MKLN1: variants seen among roughly 807,000 people sequenced by gnomAD.
MKLN1 encodes the protein muskelin 1, also known as muskelin.
Under a neutral mutation model 99.0 loss-of-function variants are expected in MKLN1, and 18 were observed. The observed-to-expected ratio is 0.18, with a 90% CI of 0.13 to 0.27. MKLN1 has a LOEUF of 0.27. Among genes scored for constraint, MKLN1 ranks in the 10% least tolerant of loss-of-function variants. The pLI, the probability that MKLN1 is intolerant of heterozygous loss-of-function variation, is 1.00. For missense variants in MKLN1, 621 were observed against 875.9 expected, an observed-to-expected ratio of 0.71 and a Z score of 3.67; for synonymous variants, 288 against 293.2, an observed-to-expected ratio of 0.98 and a Z score of 0.18.
At chr7:131,441,457 A>G (rs533408265) in intron 10 of MKLN1, among the ~76,000 whole-genome samples, 219 of 152,318 alleles carry the variant, frequency 1.4e-3, no homozygotes, top group African/African-American at 4.9e-3. Flanking sequence ...AAAATTAAAT[A>G]TCTAACTCCT....
At chr7:131,192,131 A>AT (rs1375048787) in intron 2 of MKLN1, among the ~76,000 whole-genome samples, 3,263 of 80,860 alleles carry the variant, frequency 0.04, 349 homozygotes, top group Admixed American at 0.07. Context: ...GTATATATAT[A>AT]AAAATATATA....
chr7:131,383,666 C>T (rs1454343111), intron 2 of MKLN1, among the ~76,000 whole-genome samples: 1 of 152,134 alleles, frequency 6.6e-6, no homozygotes, highest in African/African-American at 2.4e-5. Flanking sequence ...CCAGTTCTTT[C>T]CATCACAGTA....
At chr7:131,354,559 A>G (rs1799818732) in intron 1 of MKLN1, among the ~76,000 whole-genome samples, 1 of 151,732 alleles carries the variant, frequency 6.6e-6, no homozygotes, top group African/African-American at 2.4e-5. Flanking sequence ...TAGGCAAATT[A>G]TGTCATCTGA....
At chr7:131,321,754 T>A (rs1798780603) in intron 3 of MKLN1, among the ~76,000 whole-genome samples, 1 of 152,202 alleles carries the variant, frequency 6.6e-6, no homozygotes, top group African/African-American at 2.4e-5. Flanking sequence ...AGGTTATGAC[T>A]TAACCAAGGA....
intron 2 of MKLN1, among the ~76,000 whole-genome samples, chr7:131,201,624 G>A (rs969078697): frequency 6.6e-6 from 1 of 152,138 alleles, no homozygotes; most frequent in African/African-American, 2.4e-5. Flanking sequence ...CTACTTTGGT[G>A]CCAAATGCCT....
intron 3 of MKLN1, among the ~76,000 whole-genome samples, chr7:131,231,831 AG>A (rs1180583477): frequency 6.6e-6 from 1 of 152,248 alleles, no homozygotes; most frequent in East Asian, 1.9e-4. Flanking sequence ...GAAACAGAGA[AG>A]GAAGTTGCAT....
intron 17 of MKLN1, among the ~76,000 whole-genome samples, chr7:131,479,854 A>ATT (rs1797070103): frequency 1.3e-3 from 4 of 3,114 alleles, no homozygotes; most frequent in East Asian, 0.05. Context: ...ATAAATTTAA[A>ATT]TAAATAAATA....
intron 2 of MKLN1, among the ~76,000 whole-genome samples, chr7:131,179,746 T>C (rs1251354643): frequency 1.3e-5 from 2 of 151,892 alleles, no homozygotes; most frequent in African/African-American, 4.8e-5. Context: ...AGCTAATTTT[T>C]TGTATTTTTA....
In MKLN1 at chr7:131,389,836, C is replaced by T. The variant is rs1051930282; in HGVS notation, c.400+864C>T. ...CCCAGGAGGCAGAGTTTGCAGTGAG[C>T]CAAGATCATGCCACTGCACTCCAGC... is the stretch of plus-strand genomic sequence containing the variant. On this transcript the variant is annotated intron_variant, in intron 4 of 17. Coordinates refer to ENST00000352689, the MANE Select transcript of MKLN1 (RefSeq NM_013255.5). Among the ~76,000 whole-genome samples the T allele has an allele frequency of 2.0e-5, 3 of 151,572 alleles. No homozygotes were observed. In the South Asian group the frequency reaches 6.3e-4, roughly 32 times the overall value.
intron 2 of MKLN1, among the ~76,000 whole-genome samples, chr7:131,176,395 G>A (rs1796299369): frequency 6.6e-6 from 1 of 152,022 alleles, no homozygotes; most frequent in South Asian, 2.1e-4. Flanking sequence ...TTAACCAACA[G>A]CTAAATTTGG....
At chr7:131,229,575 C>T (rs114531617) in intron 3 of MKLN1, among the ~76,000 whole-genome samples, 1,979 of 152,022 alleles carry the variant, frequency 0.013, 36 homozygotes, top group African/African-American at 0.046. Flanking sequence ...TGTTTTGAGA[C>T]AGGGTTTCAC....
At chr7:131,388,846 AT>A in intron 3 of MKLN1, 37 bp from the exon 4 acceptor site, 1 of 1,381,244 alleles carries the variant, frequency 7.2e-7, no homozygotes, top group Non-Finnish European at 1.0e-6. Context: ...TTACTAAATT[AT>A]GAAGTCAGAT....
chr7:131,448,009 A>G (rs1049015251), intron 12 of MKLN1, among the ~76,000 whole-genome samples: 2 of 152,208 alleles, frequency 1.3e-5, no homozygotes, highest in Admixed American at 1.3e-4. Context: ...CAGGTGGATC[A>G]CGAGGTCAGG....
At chr7:131,240,592 G>A (rs2054646613) in intron 3 of MKLN1, among the ~76,000 whole-genome samples, 1 of 152,106 alleles carries the variant, frequency 6.6e-6, no homozygotes, top group Admixed American at 6.5e-5. Context: ...CTTTCCAGAG[G>A]TAAATTTAGA....
At chr7:131,210,537 A>C (rs1214953918) in intron 3 of MKLN1, among the ~76,000 whole-genome samples, 2 of 147,854 alleles carry the variant, frequency 1.4e-5, no homozygotes, top group Non-Finnish European at 3.0e-5. Context: ...ATCTCCAAAA[A>C]ATAAACATAC....
At chr7:131,125,857 T>C (rs1360406935) in intron 1 of MKLN1, among the ~76,000 whole-genome samples, 1 of 151,322 alleles carries the variant, frequency 6.6e-6, no homozygotes, top group African/African-American at 2.4e-5. Context: ...ACAAAAAAAA[T>C]TAGCCGGGCG....
chr7:131,113,667 C>CAAAAAAAAAA (rs71168363), intron 1 of MKLN1, among the ~76,000 whole-genome samples: 1 of 96,498 alleles, frequency 1.0e-5, no homozygotes, highest in Non-Finnish European at 2.3e-5. Context: ...TACAAAAATA[C>CAAAAAAAAAA]AAAAAAAAAA....
intron 2 of MKLN1, among the ~76,000 whole-genome samples, chr7:131,385,478 C>T (rs1793985992): frequency 6.6e-6 from 1 of 152,166 alleles, no homozygotes; most frequent in Non-Finnish European, 1.5e-5. Flanking sequence ...ACATTCCTGC[C>T]AGCAATGCAT....
At chr7:131,224,415 G>A (rs1039551602) in intron 3 of MKLN1, among the ~76,000 whole-genome samples, 1 of 151,722 alleles carries the variant, frequency 6.6e-6, no homozygotes, top group Non-Finnish European at 1.5e-5. Flanking sequence ...GCGTGGTGGC[G>A]AGTGCCTGTA....
Sources: allele counts gnomAD v4.1 joint callset (sites outside exome capture counted in the v4.1 genomes callset), GRCh38; gene constraint gnomAD v4.1.1; transcripts MANE v1.5; gene names NCBI Gene and HGNC (gene_info 2026-07-23, HGNC 2026-07-21).